Variants in C5orf34 observed in about 807,000 individuals in gnomAD.
C5orf34 encodes chromosome 5 open reading frame 34.
A neutral mutation model predicts 78.4 loss-of-function variants in C5orf34; 73 were observed. The ratio of observed to expected loss-of-function variants is 0.93; its 90% CI spans 0.77 to 1.13. The LOEUF (loss-of-function observed/expected upper bound fraction) is 1.13, where lower values mean the gene tolerates loss of function less well. Ranked by LOEUF, C5orf34 falls within the 50% of genes most tolerant of loss-of-function variation. C5orf34 has a pLI of 0.00. For missense variants in C5orf34, 730 were observed against 732.7 expected, an observed-to-expected ratio of 1.00 and a Z score of 0.04; for synonymous variants, 251 against 246.6, an observed-to-expected ratio of 1.02 and a Z score of -0.17.
intron 3 of C5orf34, 106 bp from the exon 4 acceptor site, chr5:43,506,500 T>C: frequency 8.8e-7 from 1 of 1,137,688 alleles, no homozygotes; most frequent in South Asian, 1.7e-5. Context: ...TAAATATTTG[T>C]GTTTTACTAT....
At chr5:43,512,704 C>CCACATTT (rs147610721) in intron 1 of C5orf34, among the ~76,000 whole-genome samples, 9,165 of 150,352 alleles carry the variant, frequency 0.061, 439 homozygotes, top group African/African-American at 0.13. Context: ...TGACCTTAGT[C>CCACATTT]CACATTTCAT....
intron 11 of C5orf34, 113 bp downstream of exon 11, chr5:43,490,518 T>C (rs1745236017): frequency 1.5e-6 from 1 of 665,700 alleles, no homozygotes; most frequent in East Asian, 2.8e-5. Context: ...TTAAACATAT[T>C]CAAAACTAAG....
At position 43,515,096 on chromosome 5, in the gene C5orf34, C is replaced by T. The variant is rs748303275; in HGVS notation, c.-327G>A. The T allele has an allele frequency of 1.3e-5, 2 of 152,214 alleles. No homozygotes were observed. The highest frequency in any genetic ancestry group is 2.9e-5 in the Non-Finnish European group (2 of 68,044). The allele number at this position is 152,214 out of a possible 1,614,324, so 9.4% of individuals were successfully genotyped here. A position where few individuals can be genotyped will look rare whatever the true frequency, so the allele number is the denominator to read the frequency against. ...CCACTAAGAGAAAGCGCAAACCGCA[C>T]AAGACCAGTTCAAAACCAGCGCCCT... On this transcript the variant is annotated 5_prime_UTR_variant, in exon 1 of 13. It adds an upstream start codon to the 5' untranslated region. Coordinates refer to ENST00000306862, the MANE Select transcript of C5orf34 (RefSeq NM_198566.4).
At chr5:43,498,657 C>G (rs1745640633) in intron 6 of C5orf34, among the ~76,000 whole-genome samples, 1 of 152,218 alleles carries the variant, frequency 6.6e-6, no homozygotes, top group African/African-American at 2.4e-5. Flanking sequence ...TTTCCTACCA[C>G]TGCCTGGCCT....
chr5:43,508,821 C>CGGT (rs1561217120), intron 2 of C5orf34, among the ~76,000 whole-genome samples, 155 bp from the exon 3 acceptor site: 2 of 152,174 alleles, frequency 1.3e-5, no homozygotes, highest in Admixed American at 6.5e-5. Flanking sequence ...TGGCCAGGCA[C>CGGT]GGTGGTTCAC....
intron 1 of C5orf34, among the ~76,000 whole-genome samples, chr5:43,514,526 A>G (rs2112350173): frequency 6.6e-6 from 1 of 152,264 alleles, no homozygotes; most frequent in South Asian, 2.1e-4. Context: ...CTAATTTTAA[A>G]TAATCAAGCA....
At chr5:43,497,044 A>G (rs1017093096) in intron 6 of C5orf34, among the ~76,000 whole-genome samples, 1 of 152,240 alleles carries the variant, frequency 6.6e-6, no homozygotes, top group African/African-American at 2.4e-5. Context: ...TTTTAATTGA[A>G]TGAATATACC....
At position 43,490,711 on chromosome 5, in the gene C5orf34, T is replaced by A. The variant is rs1745248042; in HGVS notation, c.1599A>T (p.Thr533=). Residue 533 remains threonine, a synonymous_variant, in exon 11 of 13, where the codon ACA becomes ACT. Coordinates refer to ENST00000306862, the MANE Select transcript of C5orf34 (RefSeq NM_198566.4). ...EPYERYVTTV[T]SWCRRLTQTS... Reference sequence around the variant, plus strand: ...TCTGGGTCAGTCTCCTGCACCATGATGTTACTGTTGTCACATATCTAAAGT... The same window carrying A: ...TCTGGGTCAGTCTCCTGCACCATGAAGTTACTGTTGTCACATATCTAAAGT... 7 of 1,598,600 alleles carry A rather than the reference T, an allele frequency of 4.4e-6. No homozygotes were observed. Among genetic ancestry groups the A allele is most frequent in the Non-Finnish European group, 6.0e-6 (7 of 1,166,608 alleles).
chr5:43,505,266 T>C (rs1745931442), intron 4 of C5orf34, among the ~76,000 whole-genome samples: 1 of 152,200 alleles, frequency 6.6e-6, no homozygotes, highest in Non-Finnish European at 1.5e-5. Context: ...TTATAGTCAG[T>C]GAACCAAAGA....
At position 43,502,238 on chromosome 5, in the gene C5orf34, A is replaced by T. The variant is rs1266399333; in HGVS notation, c.1152+134T>A. The T allele has an allele frequency of 3.5e-6, 3 of 849,472 alleles. No individual in the cohort carries two copies. The East Asian group carries it at 7.6e-5, about 22-fold the overall frequency. The allele number at this position is 849,472 out of a possible 1,614,324, so 52.6% of individuals were successfully genotyped here. A position where few individuals can be genotyped will look rare whatever the true frequency, so the allele number is the denominator to read the frequency against. ...TTACTGTACCAATGCTGGCAGTAAGATTATATTAATACTCCAGACTGGGGA... is the reference window on the plus strand; with the variant it reads ...TTACTGTACCAATGCTGGCAGTAAGTTTATATTAATACTCCAGACTGGGGA... On this transcript the variant is annotated intron_variant, in intron 6 of 12. Transcript: ENST00000306862.
chr5:43,495,973 G>A, intron 6 of C5orf34: 1 of 1,591,068 alleles, frequency 6.3e-7, no homozygotes, highest in East Asian at 2.2e-5. Context: ...TCTTCTGGCT[G>A]TAGGGTGGCT....
At position 43,505,798 on chromosome 5, in the gene C5orf34, A is replaced by G; in HGVS notation, c.882T>C (p.Ser294=). 1 of 1,607,996 alleles carries G rather than the reference A, an allele frequency of 6.2e-7. No homozygotes were observed. ...DISEERGKVV[S]VLPRALSLSC... ...TGAGTGACAGGGCCCTGGGAAGAACAGAAACCACTTTTCCTCTTTCCTCTG... is the reference window on the plus strand; with the variant it reads ...TGAGTGACAGGGCCCTGGGAAGAACGGAAACCACTTTTCCTCTTTCCTCTG... The change falls in exon 4 of 13, where the codon TCT becomes TCC. Residue 294 remains serine (S), a synonymous_variant. Coordinates refer to ENST00000306862, the MANE Select transcript of C5orf34 (RefSeq NM_198566.4).
In C5orf34 at chr5:43,495,527, T is replaced by G. The variant is rs1023658562; in HGVS notation, c.1153-926A>C. 3.1e-6 allele frequency: 5 copies of G among 1,610,048 alleles called. No individual in the cohort carries two copies. The African/African-American group carries it at 5.3e-5, about 17-fold the overall frequency. Reference sequence around the variant, plus strand: ...ATCCTTGACAGACACATTCTTGACATTGAAGCCCACATTGTCCCCAGGAAG... The same window carrying G: ...ATCCTTGACAGACACATTCTTGACAGTGAAGCCCACATTGTCCCCAGGAAG... On this transcript the variant is annotated intron_variant, in intron 6 of 12. Coordinates refer to ENST00000306862, the MANE Select transcript of C5orf34 (RefSeq NM_198566.4).
At chr5:43,495,219 A>G in intron 6 of C5orf34, 4 of 1,610,218 alleles carry the variant, frequency 2.5e-6, no homozygotes, top group South Asian at 1.1e-5. Flanking sequence ...TAGTCTGAGA[A>G]GCTCTCAACA....
intron 6 of C5orf34, chr5:43,495,672 G>C: frequency 6.3e-7 from 1 of 1,580,188 alleles, no homozygotes; most frequent in South Asian, 1.1e-5. Flanking sequence ...CGGCCAACAG[G>C]AACAGTACCA....
At chr5:43,495,315 C>A (rs539021067) in intron 6 of C5orf34, 1 of 1,611,376 alleles carries the variant, frequency 6.2e-7, no homozygotes, top group South Asian at 1.1e-5. Flanking sequence ...TTACCAGAAC[C>A]GCGATCAATC....
At chr5:43,511,231 G>A in intron 1 of C5orf34, 1 of 174,632 alleles carries the variant, frequency 5.7e-6, no homozygotes, top group South Asian at 1.2e-4. Context: ...GAAGTGAGGA[G>A]CCTCTCCGCC....
chr5:43,500,542 A>G lies in C5orf34; in HGVS notation c.1152+1830T>C, dbSNP rs1173268129. ...TCCCAAGTAGCTGGGATTACACACA[A>G]GCACCACCATGCCTGGCTAATTTTT... is the stretch of plus-strand genomic sequence containing the variant. On this transcript the variant is annotated intron_variant, in intron 6 of 12. Coordinates refer to ENST00000306862, the MANE Select transcript of C5orf34 (RefSeq NM_198566.4). 2.6e-5 allele frequency among the ~76,000 whole-genome samples: 4 copies of G among 152,066 alleles called. No individual in the cohort carries two copies. In the South Asian group the frequency reaches 8.3e-4, roughly 31 times the overall value.
At chr5:43,503,035 A>C (rs1745828075) in intron 5 of C5orf34, among the ~76,000 whole-genome samples, 1 of 152,244 alleles carries the variant, frequency 6.6e-6, no homozygotes, top group Non-Finnish European at 1.5e-5. Flanking sequence ...TACATGTTAG[A>C]ATATGTTGTT....
Sources: allele counts gnomAD v4.1 joint callset (sites outside exome capture counted in the v4.1 genomes callset), GRCh38; gene constraint gnomAD v4.1.1; transcripts MANE v1.5; gene names NCBI Gene and HGNC (gene_info 2026-07-23, HGNC 2026-07-21).